CCDC85A: variants seen among roughly 807,000 people sequenced by gnomAD.
CCDC85A encodes coiled-coil domain-containing protein 85A.
CCDC85A carries 38 observed loss-of-function variants against 50.2 expected under a neutral mutation model. The observed-to-expected ratio is 0.76, with a 90% confidence interval of 0.58 to 0.99. CCDC85A has a LOEUF of 0.99. Ranked by LOEUF, CCDC85A falls within the 50% of genes least tolerant of loss-of-function variation. CCDC85A has a pLI of 0.00. For missense variants in CCDC85A, 820 were observed against 742.0 expected, an observed-to-expected ratio of 1.11 and a Z score of -1.22; for synonymous variants, 366 against 301.4, an observed-to-expected ratio of 1.21 and a Z score of -2.22.
intron 2 of CCDC85A, among the ~76,000 whole-genome samples, chr2:56,217,996 T>A (rs374717044): frequency 6.6e-6 from 1 of 152,032 alleles, no homozygotes; most frequent in Non-Finnish European, 1.5e-5. Flanking sequence ...TTACAGACTC[T>A]GAGTTGCTCC....
intron 2 of CCDC85A, among the ~76,000 whole-genome samples, chr2:56,279,469 C>T (rs1034103908): frequency 3.3e-5 from 5 of 152,062 alleles, no homozygotes; most frequent in African/African-American, 1.2e-4. Context: ...TCCAGGCAAT[C>T]GCTTCTCTAC....
Position 56,192,556 on chromosome 2 carries a change from G to T in CCDC85A, c.356G>T (p.Gly119Val), listed in dbSNP as rs754391664. The change falls in exon 2 of 6, where the codon GGC becomes GTC. Residue 119 changes from glycine to valine, a missense_variant. Transcript: ENST00000407595. The surrounding 1 kb of genome is among the most constrained non-coding windows in gnomAD (Gnocchi z 4.7). ...TTCCTGGATGATGACCGGCAGAAAG[G>T]CAAGAGGGTGTCTCGGGAGTGGCAG... ...CCFLDDDRQK[G>V]KRVSREWQRL... 39 of 1,613,814 alleles carry T rather than the reference G, an allele frequency of 2.4e-5. No homozygotes were observed. Among genetic ancestry groups the T allele is most frequent in the Non-Finnish European group, 7.6e-6 (9 of 1,179,880 alleles).
intron 2 of CCDC85A, among the ~76,000 whole-genome samples, chr2:56,339,642 A>G (rs13385470): frequency 0.1 from 15,685 of 152,240 alleles, 2,659 homozygotes; most frequent in African/African-American, 0.35. Flanking sequence ...GGCAATAAAG[A>G]TAAGGTGTAA....
At chr2:56,288,876 G>A (rs1671572818) in intron 2 of CCDC85A, among the ~76,000 whole-genome samples, 2 of 152,150 alleles carry the variant, frequency 1.3e-5, no homozygotes, top group Non-Finnish European at 2.9e-5. Context: ...TGTGTTGCGG[G>A]GAGAAATCAC....
At chr2:56,186,969 C>T (rs541396622) in intron 1 of CCDC85A, among the ~76,000 whole-genome samples, 40 of 152,282 alleles carry the variant, frequency 2.6e-4, no homozygotes, top group African/African-American at 8.9e-4. Flanking sequence ...AGCTTCTACT[C>T]TTCTCATGTC....
chr2:56,353,377 T>C (rs534775603), intron 3 of CCDC85A, among the ~76,000 whole-genome samples: 1 of 152,330 alleles, frequency 6.6e-6, no homozygotes, highest in Admixed American at 6.5e-5. Flanking sequence ...ATATACATAT[T>C]TAAAAATAAA....
intron 2 of CCDC85A, among the ~76,000 whole-genome samples, chr2:56,320,323 C>A (rs987624206): frequency 6.6e-6 from 1 of 151,896 alleles, no homozygotes; most frequent in Non-Finnish European, 1.5e-5. Context: ...ACACAAAAAA[C>A]CCTTCAAAAA....
chr2:56,342,967 C>T lies in CCDC85A; in HGVS notation c.1317+12C>T, dbSNP rs373481637. On this transcript the variant is annotated intron_variant, in intron 3 of 5. Transcript: ENST00000407595. ...GCATGCTGCCCCAGGTGGGTGACTT[C>T]CAGAAGCTCATAGCTAGTCAGTGCC... 1.1e-4 allele frequency: 178 copies of T among 1,573,174 alleles called. No homozygotes were observed. Among genetic ancestry groups the T allele is most frequent in the Non-Finnish European group, 1.5e-4 (169 of 1,155,172 alleles).
intron 3 of CCDC85A, among the ~76,000 whole-genome samples, chr2:56,363,574 A>C (rs1476082075): frequency 6.6e-6 from 1 of 152,158 alleles, no homozygotes; most frequent in African/African-American, 2.4e-5. Context: ...AGCTTCATAT[A>C]CTAGAAGATT....
intron 2 of CCDC85A, among the ~76,000 whole-genome samples, chr2:56,209,332 A>G (rs536021604): frequency 1.3e-5 from 2 of 152,186 alleles, no homozygotes; most frequent in East Asian, 3.9e-4. Flanking sequence ...CAGACAAACA[A>G]ATAGAACCCT....
chr2:56,288,043 C>T (rs1283324240), intron 2 of CCDC85A, among the ~76,000 whole-genome samples: 2 of 152,116 alleles, frequency 1.3e-5, no homozygotes, highest in Non-Finnish European at 2.9e-5. Flanking sequence ...TTTACAGAGC[C>T]TGGCGTCAGC....
Position 56,192,996 on chromosome 2 carries a change from G to A in CCDC85A, c.796G>A (p.Gly266Arg). 1 of 1,613,656 alleles carries A rather than the reference G, an allele frequency of 6.2e-7. No homozygotes were observed. Among genetic ancestry groups the A allele is most frequent in the Non-Finnish European group, 8.5e-7 (1 of 1,179,824 alleles). The change falls in exon 2 of 6, where the codon GGA becomes AGA. Residue 266 changes from glycine to arginine, a missense_variant. Coordinates refer to ENST00000407595, the MANE Select transcript of CCDC85A (RefSeq NM_001080433.2). This position sits in a 1 kb window ranked among gnomAD's most constrained non-coding sequence, Gnocchi z 4.7. Reference sequence around the variant, plus strand: ...GCATCCACAGAAACCCAGAGCCTGTGGAACCCCAGATCGCCCCAAAGCACT... The same window carrying A: ...GCATCCACAGAAACCCAGAGCCTGTAGAACCCCAGATCGCCCCAAAGCACT... ...PEHPQKPRACGTPDRPKALKG... is the reference protein window; with the variant it reads ...PEHPQKPRACRTPDRPKALKG...
At chr2:56,330,731 T>C in intron 2 of CCDC85A, among the ~76,000 whole-genome samples, 1 of 152,120 alleles carries the variant, frequency 6.6e-6, no homozygotes, top group East Asian at 1.9e-4. Flanking sequence ...TTTCCCCCAT[T>C]TGAAAAACTC....
At chr2:56,211,012 C>T (rs1677160659) in intron 2 of CCDC85A, among the ~76,000 whole-genome samples, 1 of 152,050 alleles carries the variant, frequency 6.6e-6, no homozygotes, top group South Asian at 2.1e-4. Flanking sequence ...GTAGTCTTCA[C>T]CACTCCCTAT....
At chr2:56,249,379 G>A (rs1669650323) in intron 2 of CCDC85A, among the ~76,000 whole-genome samples, 1 of 152,252 alleles carries the variant, frequency 6.6e-6, no homozygotes, top group South Asian at 2.1e-4. Flanking sequence ...TGCCCAGTGA[G>A]ATGCTAGAAG....
At chr2:56,377,832 G>A (rs1226333919) in intron 5 of CCDC85A, among the ~76,000 whole-genome samples, 3 of 151,194 alleles carry the variant, frequency 2.0e-5, no homozygotes, top group Non-Finnish European at 4.4e-5. Context: ...AGGTTGCAGT[G>A]AGCCGAGATC....
intron 2 of CCDC85A, among the ~76,000 whole-genome samples, chr2:56,250,496 A>C (rs914194333): frequency 6.6e-6 from 1 of 152,210 alleles, no homozygotes; most frequent in Admixed American, 6.5e-5. Flanking sequence ...AAGTTAGGAA[A>C]TGCCTAGTGA....
chr2:56,321,015 T>G (rs532305367), intron 2 of CCDC85A, among the ~76,000 whole-genome samples: 1 of 152,220 alleles, frequency 6.6e-6, no homozygotes, highest in African/African-American at 2.4e-5. Context: ...TAATCCATCA[T>G]ATAAACAGAA....
intron 2 of CCDC85A, among the ~76,000 whole-genome samples, chr2:56,283,787 A>T (rs1671308021): frequency 6.6e-6 from 1 of 152,030 alleles, no homozygotes; most frequent in South Asian, 2.1e-4. Flanking sequence ...ATCTGTATTG[A>T]TAGTAGTTTG....
Sources: gnomAD v4.1 joint callset for allele counts (sites outside exome capture counted in the v4.1 genomes callset) on GRCh38, gnomAD v4.1.1 for gene constraint, Gnocchi (gnomAD v3.1) non-coding constraint, MANE v1.5 for transcripts, NCBI Gene and HGNC (gene_info 2026-07-23, HGNC 2026-07-21) for gene names.